The following SUPT3H variants were observed in gnomAD, a reference collection of about 807,000 sequenced individuals.
SUPT3H encodes SPT3 homolog, SAGA and STAGA complex component.
In SUPT3H, 44 loss-of-function variants were observed where a neutral mutation model predicts 44.3. The observed-to-expected ratio is 0.99, with a 90% CI of 0.78 to 1.28. The LOEUF is 1.28. Ranked by LOEUF, SUPT3H falls within the 50% of genes most tolerant of loss-of-function variation. SUPT3H has a pLI of 0.00. For missense variants in SUPT3H, 380 were observed against 387.1 expected (o/e 0.98, Z 0.15); for synonymous variants, 124 against 125.6 (o/e 0.99, Z 0.09).
chr6:44,988,308 C>G (rs1336051966), intron 6 of SUPT3H, among the ~76,000 whole-genome samples: 1 of 151,712 alleles, frequency 6.6e-6, no homozygotes, highest in Non-Finnish European at 1.5e-5. Flanking sequence ...ATCAATGTCA[C>G]CAAGAAAATT....
intron 10 of SUPT3H, among the ~76,000 whole-genome samples, chr6:44,886,439 C>G (rs1454102186): frequency 3.3e-5 from 5 of 152,200 alleles, no homozygotes; most frequent in Non-Finnish European, 7.3e-5. Context: ...CTCCACAAGC[C>G]AGAAGAGAGT....
chr6:45,139,687 C>A (rs569461704), intron 2 of SUPT3H, among the ~76,000 whole-genome samples: 1 of 152,028 alleles, frequency 6.6e-6, no homozygotes, highest in Non-Finnish European at 1.5e-5. Flanking sequence ...TATTAGGGAG[C>A]CACACGAAAT....
rs114564786 is a variant in SUPT3H, at chr6:45,131,079, C to T, written c.102-25073G>A. ...AGGACTCAAGGATCTGAGGTATCTT[C>T]TCTCAGTGCTGTTGCTATCCTCTCC... On this transcript the variant is annotated intron_variant, in intron 2 of 10. Transcript: ENST00000371459. 2.5e-3 allele frequency among the ~76,000 whole-genome samples: 388 copies of T among 152,196 alleles called. 3 individuals are homozygous for T. Among genetic ancestry groups the T allele is most frequent in the African/African-American group, 8.5e-3 (354 of 41,502 alleles).
intron 2 of SUPT3H, among the ~76,000 whole-genome samples, chr6:45,351,993 T>G (rs986159920): frequency 3.9e-5 from 6 of 152,094 alleles, no homozygotes; most frequent in African/African-American, 1.4e-4. Context: ...CAACAAACCT[T>G]TACCACTCTC....
intron 9 of SUPT3H, among the ~76,000 whole-genome samples, chr6:44,944,218 C>T (rs551922799): frequency 6.6e-6 from 1 of 151,810 alleles, no homozygotes. Context: ...GTATACTGAA[C>T]ATTTAAGGAT....
rs1320673329 is a variant in SUPT3H, at chr6:45,130,722, T to G, written c.102-24716A>C. ...CAAAAAAAAAAACCACTTTTTTTTT[T>G]TTTTTTTTTTTTCAGATGGAGTTTT... On this transcript the variant is annotated intron_variant, in intron 2 of 10. Transcript: ENST00000371459. Among the ~76,000 whole-genome samples, 6 of 142,274 alleles carry G rather than the reference T, an allele frequency of 4.2e-5. No homozygotes were observed. The East Asian group carries it at 5.9e-4, about 14-fold the overall frequency. The allele number at this position is 142,274 out of a possible 152,430, so 93.3% of individuals were successfully genotyped here. A position where few individuals can be genotyped will look rare whatever the true frequency, so the allele number is the denominator to read the frequency against.
intron 2 of SUPT3H, among the ~76,000 whole-genome samples, chr6:45,315,922 CAGATAGAT>C (rs59633405): frequency 0.062 from 8,966 of 145,496 alleles, 260 homozygotes; most frequent in Admixed American, 0.082. Flanking sequence ...CTCAGATAGA[CAGATAGAT>C]AGATAGATAG....
At chr6:44,900,034 T>C (rs950304241) in intron 10 of SUPT3H, among the ~76,000 whole-genome samples, 4 of 152,172 alleles carry the variant, frequency 2.6e-5, no homozygotes, top group Non-Finnish European at 5.9e-5. Context: ...GAAAACTATT[T>C]TAGGATGATG....
At chr6:44,839,973 T>C (rs925450802) in intron 10 of SUPT3H, among the ~76,000 whole-genome samples, 16 of 152,216 alleles carry the variant, frequency 1.1e-4, no homozygotes, top group Non-Finnish European at 7.3e-5. Context: ...GTGCTGGGAT[T>C]ACAGGCGTGA....
intron 10 of SUPT3H, among the ~76,000 whole-genome samples, chr6:44,846,986 T>C (rs937914978): frequency 1.3e-5 from 2 of 152,222 alleles, no homozygotes; most frequent in African/African-American, 4.8e-5. Context: ...ATGGAGTTTT[T>C]AAGGCTTACC....
chr6:45,069,701 C>T (rs1477090353), intron 3 of SUPT3H, among the ~76,000 whole-genome samples: 1 of 152,032 alleles, frequency 6.6e-6, no homozygotes, highest in Admixed American at 6.6e-5. Context: ...GAGGAAACCA[C>T]CAAAAAATCC....
chr6:44,822,906 T>A (rs1053024938), downstream of SUPT3H, among the ~76,000 whole-genome samples: 2 of 151,678 alleles, frequency 1.3e-5, no homozygotes, highest in African/African-American at 4.8e-5. Context: ...CTACTAGAGG[T>A]GAGGAGTTCA....
At chr6:44,848,748 G>C (rs930820936) in intron 10 of SUPT3H, among the ~76,000 whole-genome samples, 18 of 152,264 alleles carry the variant, frequency 1.2e-4, no homozygotes, top group African/African-American at 4.1e-4. Flanking sequence ...TGGAAAGCAG[G>C]GGGGATTACT....
chr6:45,109,872 T>C (rs1799797378), intron 2 of SUPT3H, among the ~76,000 whole-genome samples: 1 of 152,224 alleles, frequency 6.6e-6, no homozygotes, highest in Admixed American at 6.5e-5. Flanking sequence ...CCCAGTGCTC[T>C]GATGTCTTGA....
At chr6:45,062,075 T>C (rs1792182832) in intron 3 of SUPT3H, among the ~76,000 whole-genome samples, 1 of 151,862 alleles carries the variant, frequency 6.6e-6, no homozygotes, top group Non-Finnish European at 1.5e-5. Flanking sequence ...AAACACAAAG[T>C]AAACAAATTT....
intron 2 of SUPT3H, among the ~76,000 whole-genome samples, chr6:45,128,327 A>C (rs1335949687): frequency 6.6e-6 from 1 of 151,018 alleles, no homozygotes; most frequent in African/African-American, 2.4e-5. Context: ...CAACATGGTG[A>C]AACCCCGTCT....
At chr6:45,376,802 G>T (rs1382432667) in intron 1 of SUPT3H, among the ~76,000 whole-genome samples, 4 of 151,760 alleles carry the variant, frequency 2.6e-5, no homozygotes, top group African/African-American at 4.9e-5. Context: ...CTCTTCCAGA[G>T]TCTGCCCTTC....
chr6:45,271,487 C>T lies in SUPT3H; in HGVS notation c.101+93714G>A, dbSNP rs149367567. ...AAGCCCCAAGTCTTGGCAGCTTCCA[C>T]GTGGTGTTGAGCCTGTGGGTGCACA... On this transcript the variant is annotated intron_variant, in intron 2 of 10. Coordinates refer to ENST00000371459, the MANE Select transcript of SUPT3H (RefSeq NM_003599.4). Among the ~76,000 whole-genome samples, 31 of 152,236 alleles carry T rather than the reference C, an allele frequency of 2.0e-4. No individual in the cohort carries two copies. The East Asian group carries it at 4.8e-3, about 24-fold the overall frequency.
intron 3 of SUPT3H, among the ~76,000 whole-genome samples, chr6:45,067,632 C>G (rs1793598387): frequency 6.6e-6 from 1 of 151,548 alleles, no homozygotes; most frequent in African/African-American, 2.4e-5. Flanking sequence ...AAAAAACAAC[C>G]CCATCAAAAA....
Sources: allele counts gnomAD v4.1 joint callset (sites outside exome capture counted in the v4.1 genomes callset), GRCh38; gene constraint gnomAD v4.1.1; transcripts MANE v1.5; gene names NCBI Gene and HGNC (gene_info 2026-07-23, HGNC 2026-07-21).